CEP250: variants seen among roughly 807,000 people sequenced by gnomAD.
The protein encoded by CEP250 is centrosomal protein 250.
In CEP250, 242 loss-of-function variants were observed where a neutral mutation model predicts 315.7. The observed-to-expected ratio is 0.77, with a 90% CI of 0.69 to 0.85. The LOEUF (loss-of-function observed/expected upper bound fraction) is 0.85. Ranked by LOEUF, CEP250 falls within the 40% of genes least tolerant of loss-of-function variation. The pLI is 0.00. For missense variants in CEP250, 2,515 were observed against 2,886.4 expected (o/e 0.87, Z 2.95); for synonymous variants, 1,088 against 1,175.0 (o/e 0.93, Z 1.51).
At chr20:35,498,333 T>TTATG (rs1316550449) in intron 26 of CEP250, among the ~76,000 whole-genome samples, 1 of 152,136 alleles carries the variant, frequency 6.6e-6, no homozygotes, top group Non-Finnish European at 1.5e-5. Context: ...CACCAAGGAG[T>TTATG]TATGAGGTTG....
chr20:35,488,591 G>A (rs943746926), intron 20 of CEP250, among the ~76,000 whole-genome samples: 1 of 152,026 alleles, frequency 6.6e-6, no homozygotes, highest in Admixed American at 6.6e-5. Context: ...AGCCTCCCAA[G>A]TAGCTGGGAC....
intron 27 of CEP250, among the ~76,000 whole-genome samples, chr20:35,499,818 T>C (rs998444947): frequency 6.6e-6 from 1 of 152,038 alleles, no homozygotes; most frequent in Non-Finnish European, 1.5e-5. Context: ...TCAAAAGACA[T>C]AGATAGGTCA....
chr20:35,471,715 A>G (rs1484587176), intron 10 of CEP250, among the ~76,000 whole-genome samples: 1 of 152,248 alleles, frequency 6.6e-6, no homozygotes, highest in African/African-American at 2.4e-5. Flanking sequence ...TGAATAATTT[A>G]CATGCATTTT....
At chr20:35,463,757 G>T (rs1420801253) in intron 5 of CEP250, 126 bp downstream of exon 5, 2 of 612,964 alleles carry the variant, frequency 3.3e-6, no homozygotes, top group Non-Finnish European at 5.0e-6. Flanking sequence ...CTCTTTCTCA[G>T]CCTCTGAGAG....
At chr20:35,499,774 G>A (rs2063948958) in intron 27 of CEP250, among the ~76,000 whole-genome samples, 1 of 152,190 alleles carries the variant, frequency 6.6e-6, no homozygotes, top group African/African-American at 2.4e-5. Context: ...GGGAAGTGGT[G>A]ACCCCTGGGC....
rs1226964795 is a variant in CEP250 at position 35,514,844 on chromosome 20, C to T, written c.*3218C>T. On this transcript the variant is annotated 3_prime_UTR_variant, in exon 35 of 35. Coordinates refer to ENST00000397527, the MANE Select transcript of CEP250 (RefSeq NM_007186.6). ...CACACTAGGTCTGGAGGCTTCGACA[C>T]CCACAGCATGTGGGTGTTCTCATGC... The T allele has an allele frequency of 9.9e-5, 15 of 152,226 alleles. No individual in the cohort carries two copies. The highest frequency in any genetic ancestry group is 9.8e-4 in the Admixed American group (15 of 15,278). 9.4% of individuals were successfully genotyped at this position (152,226 alleles called of 1,614,324 possible).
rs2064092423 is a variant in CEP250, at chr20:35,503,719, C to A, written c.5350C>A (p.Gln1784Lys). 1.2e-6 allele frequency: 2 copies of A among 1,613,964 alleles called. No individual in the cohort carries two copies. The highest frequency in any genetic ancestry group is 1.6e-4 in the Middle Eastern group (1 of 6,084). The change falls in exon 30 of 35, where the codon CAG becomes AAG. Residue 1784 changes from glutamine to lysine, a missense_variant. Coordinates refer to ENST00000397527, the MANE Select transcript of CEP250 (RefSeq NM_007186.6). This position sits in a 1 kb window ranked among gnomAD's most constrained non-coding sequence, Gnocchi z 4.2. ...GCGAGAGCAGGAAATAGTGGTCCTG[C>A]AGCAGCAACTGCAGGAAGCCAGGGA... Reference protein sequence around the residue: ...SQREQEIVVLQQQLQEAREQG... With the variant: ...SQREQEIVVLKQQLQEAREQG...
chr20:35,479,426 T>C lies in CEP250; in HGVS notation c.2288+2T>C, dbSNP rs761253824. Reference sequence around the variant, plus strand: ...CGCTGAACAACTACAGGGGCTCAGGTAGGGCCCAGACTCAGTTCAGCCAAG... The same window carrying C: ...CGCTGAACAACTACAGGGGCTCAGGCAGGGCCCAGACTCAGTTCAGCCAAG... On this transcript the variant is annotated splice_donor_variant, in intron 18 of 34. Transcript: ENST00000397527. LOFTEE classifies it high-confidence loss of function. The C allele has an allele frequency of 2.5e-6, 4 of 1,612,212 alleles. No individual in the cohort carries two copies. Among genetic ancestry groups the C allele is most frequent in the Non-Finnish European group, 3.4e-6 (4 of 1,179,244 alleles).
At chr20:35,466,475 G>A (rs1396346076) in intron 7 of CEP250, among the ~76,000 whole-genome samples, 1 of 152,160 alleles carries the variant, frequency 6.6e-6, no homozygotes, top group African/African-American at 2.4e-5. Flanking sequence ...ACGAGCTTAG[G>A]TTTTTGATGG....
At chr20:35,473,835 A>G (rs749711195) in intron 13 of CEP250, 35 bp from the exon 14 acceptor site, 58 of 1,573,644 alleles carry the variant, frequency 3.7e-5, no homozygotes, top group South Asian at 1.3e-4. Context: ...TTTAGGTCCT[A>G]TGGTCTCTGC....
At chr20:35,468,510 G>A (rs1399897067) in intron 9 of CEP250, among the ~76,000 whole-genome samples, 1 of 152,192 alleles carries the variant, frequency 6.6e-6, no homozygotes, top group Non-Finnish European at 1.5e-5. Flanking sequence ...CCCATGACGA[G>A]GGTTGTATCT....
chr20:35,490,905 C>T, intron 21 of CEP250, 101 bp downstream of exon 21: 3 of 1,391,598 alleles, frequency 2.2e-6, no homozygotes. Context: ...AGAGGGGCTT[C>T]CAGAAGAGAG....
rs1444196561 is a variant in CEP250 at position 35,455,712 on chromosome 20, G to A, written c.-337G>A. On this transcript the variant is annotated 5_prime_UTR_variant, in exon 1 of 35. Coordinates refer to ENST00000397527, the MANE Select transcript of CEP250 (RefSeq NM_007186.6). ...CATTCGCTTCTCGGTTTTTGCACTC[G>A]CTGTGCACCGAGTTACTTTCCCGGC... 1 of 152,196 alleles carries A rather than the reference G, an allele frequency of 6.6e-6. No individual in the cohort carries two copies. The highest frequency in any genetic ancestry group is 1.9e-4 in the East Asian group (1 of 5,200). The allele number at this position is 152,196 out of a possible 1,614,324, so 9.4% of individuals were successfully genotyped here.
chr20:35,503,002 G>A lies in CEP250; in HGVS notation c.4633G>A (p.Val1545Ile), dbSNP rs1249251601. Reference protein sequence around the residue: ...DQMIESQRGQVQDLKKQLVTL... With the variant: ...DQMIESQRGQIQDLKKQLVTL... ...AATGATTGAGTCCCAGAGAGGACAG[G>A]TTCAGGACCTGAAAAAGCAGTTGGT... Residue 1545 changes from valine (V) to isoleucine (I), a missense_variant, in exon 30 of 35, where the codon GTT becomes ATT. Val to Ile is a conservative substitution (Grantham distance 29). Transcript: ENST00000397527. This position sits in a 1 kb window ranked among gnomAD's most constrained non-coding sequence, Gnocchi z 4.2. The A allele has an allele frequency of 3.2e-5, 52 of 1,614,074 alleles. No homozygotes were observed. Among genetic ancestry groups the A allele is most frequent in the Non-Finnish European group, 4.2e-5 (50 of 1,180,042 alleles).
At chr20:35,460,741 A>T (rs920082026) in intron 3 of CEP250, among the ~76,000 whole-genome samples, 4 of 152,210 alleles carry the variant, frequency 2.6e-5, no homozygotes, top group Non-Finnish European at 5.9e-5. Context: ...ATTCTTAAAA[A>T]CTATTATGTG....
At chr20:35,474,684 G>T in intron 14 of CEP250, 2 of 432,904 alleles carry the variant, frequency 4.6e-6, no homozygotes, top group Non-Finnish European at 4.8e-6. Flanking sequence ...TCCCCTATAT[G>T]ATGTCACAGA....
At chr20:35,486,109 G>A (rs1319700336) in intron 20 of CEP250, among the ~76,000 whole-genome samples, 1 of 150,466 alleles carries the variant, frequency 6.6e-6, no homozygotes, top group African/African-American at 2.5e-5. Context: ...CCGCCTCCTG[G>A]GTTCAAGCAA....
chr20:35,474,508 C>CT (rs1173318104), intron 14 of CEP250, among the ~76,000 whole-genome samples: 9 of 152,236 alleles, frequency 5.9e-5, no homozygotes. Context: ...GGGAGAAGAG[C>CT]TCAAGGAACA....
intron 32 of CEP250, among the ~76,000 whole-genome samples, chr20:35,508,505 G>A (rs1429172681): frequency 6.6e-6 from 1 of 152,052 alleles, no homozygotes; most frequent in Non-Finnish European, 1.5e-5. Context: ...AGTAGAGATG[G>A]TGTTTCACTA....
Sources: allele counts gnomAD v4.1 joint callset (sites outside exome capture counted in the v4.1 genomes callset), GRCh38; gene constraint gnomAD v4.1.1; non-coding constraint Gnocchi (gnomAD v3.1); transcripts MANE v1.5; gene names NCBI Gene and HGNC (gene_info 2026-07-23, HGNC 2026-07-21).